The following ROS1 variants were observed in gnomAD, a reference collection of about 807,000 sequenced individuals.
ROS1 encodes proto-oncogene tyrosine-protein kinase ROS.
Under a neutral mutation model 273.5 loss-of-function variants are expected in ROS1, and 263 were observed. That is an observed-to-expected ratio of 0.96 (90% CI 0.87 to 1.06). ROS1 has a LOEUF of 1.06. Among genes scored for constraint, ROS1 ranks in the 50% least tolerant of loss-of-function variants. The pLI, the probability that ROS1 is intolerant of heterozygous loss-of-function variation, is 0.00. For synonymous variants in ROS1, 1,008 were observed against 954.1 expected (o/e 1.06, Z -1.04); for missense variants, 2,833 against 2,751.1 (o/e 1.03, Z -0.67).
intron 5 of ROS1, among the ~76,000 whole-genome samples, chr6:117,405,206 A>C (rs1429467010): frequency 6.6e-6 from 1 of 151,944 alleles, no homozygotes; most frequent in Non-Finnish European, 1.5e-5. Flanking sequence ...TTAATTACAA[A>C]CTCCTGGGAC....
intron 39 of ROS1, among the ~76,000 whole-genome samples, chr6:117,316,276 C>A (rs1022305667): frequency 4.4e-5 from 6 of 137,060 alleles, no homozygotes; most frequent in African/African-American, 1.3e-4. Flanking sequence ...AGGAACTTGG[C>A]GGTAAATACC....
chr6:117,358,644 G>C (rs1221010393), intron 24 of ROS1, among the ~76,000 whole-genome samples: 1 of 152,094 alleles, frequency 6.6e-6, no homozygotes, highest in African/African-American at 2.4e-5. Flanking sequence ...ATTTTTAGTA[G>C]AGACAGGGTT....
intron 16 of ROS1, among the ~76,000 whole-genome samples, chr6:117,384,479 T>C (rs9489142): frequency 6.1e-4 from 93 of 152,308 alleles, no homozygotes; most frequent in African/African-American, 1.8e-3. Context: ...TATTCCCTAC[T>C]TTGCCTTCTT....
At chr6:117,298,582 A>T (rs755083284) in intron 43 of ROS1, among the ~76,000 whole-genome samples, 1 of 152,230 alleles carries the variant, frequency 6.6e-6, no homozygotes, top group African/African-American at 2.4e-5. Context: ...GAGCAGATTA[A>T]AATGGCTTGA....
At chr6:117,321,963 A>G (rs534328259) in intron 35 of ROS1, among the ~76,000 whole-genome samples, 5 of 151,946 alleles carry the variant, frequency 3.3e-5, no homozygotes, top group African/African-American at 1.2e-4. Context: ...TAGTTGTAGA[A>G]TCATGAGTAA....
At chr6:117,311,204 TATATGC>T in intron 39 of ROS1, 87 bp from the exon 40 acceptor site, 2 of 666,452 alleles carry the variant, frequency 3.0e-6, no homozygotes, top group Non-Finnish European at 5.2e-6. Context: ...TGGATACATG[TATATGC>T]ATATGCATGT....
intron 3 of ROS1, 70 bp downstream of exon 3, chr6:117,416,188 G>T: frequency 1.1e-6 from 1 of 939,194 alleles, no homozygotes; most frequent in Non-Finnish European, 1.7e-6. Flanking sequence ...ATGCAAATGG[G>T]AATCCTCTTA....
intron 32 of ROS1, 82 bp downstream of exon 32, chr6:117,337,086 CATAT>C (rs1274936547): frequency 1.9e-6 from 2 of 1,059,056 alleles, no homozygotes; most frequent in Non-Finnish European, 2.8e-6. Context: ...AGAACAATTT[CATAT>C]ATCTCTAGGA....
chr6:117,389,299 T>G, intron 13 of ROS1, 51 bp downstream of exon 13: 1 of 1,543,176 alleles, frequency 6.5e-7, no homozygotes, highest in Non-Finnish European at 8.7e-7. Context: ...AGTTCAAACC[T>G]TCCTCTTATT....
At position 117,312,253 on chromosome 6, in the gene ROS1, T is replaced by G. The variant is rs1000064711; in HGVS notation, c.6118-1136A>C. Among the ~76,000 whole-genome samples, 3 of 152,098 alleles carry G rather than the reference T, an allele frequency of 2.0e-5. No individual in the cohort carries two copies. The East Asian group carries it at 5.8e-4, about 29-fold the overall frequency. On this transcript the variant is annotated intron_variant, in intron 39 of 43. Coordinates refer to ENST00000368507, the MANE Select transcript of ROS1 (RefSeq NM_001378902.1). ...TTCCATGGACAGCCTTAGCTGAGTA[T>G]CTCAAATGATTCCAAACCTCCAAGT... is the stretch of plus-strand genomic sequence containing the variant.
intron 33 of ROS1, among the ~76,000 whole-genome samples, chr6:117,326,928 C>T (rs1215115751): frequency 3.9e-5 from 6 of 152,186 alleles, no homozygotes; most frequent in Admixed American, 3.9e-4. Context: ...TATTGACCTA[C>T]ATTCCACCTC....
intron 2 of ROS1, among the ~76,000 whole-genome samples, chr6:117,416,616 G>A (rs1313541409): frequency 6.6e-6 from 1 of 152,140 alleles, no homozygotes; most frequent in Non-Finnish European, 1.5e-5. Context: ...CGAAGACACC[G>A]TACACTGGGT....
intron 21 of ROS1, among the ~76,000 whole-genome samples, chr6:117,363,722 G>A (rs1779986303): frequency 6.6e-6 from 1 of 152,086 alleles, no homozygotes; most frequent in African/African-American, 2.4e-5. Flanking sequence ...AATGCCTGAG[G>A]CAGCTTGATA....
chr6:117,306,742 C>A (rs2128543588), intron 42 of ROS1, among the ~76,000 whole-genome samples: 1 of 152,194 alleles, frequency 6.6e-6, no homozygotes, highest in Non-Finnish European at 1.5e-5. Flanking sequence ...AATATCAGTT[C>A]CCTCTGTACT....
chr6:117,412,120 C>A (rs1774961990), intron 4 of ROS1, among the ~76,000 whole-genome samples: 1 of 152,040 alleles, frequency 6.6e-6, no homozygotes, highest in African/African-American at 2.4e-5. Flanking sequence ...GTGTGGCCAG[C>A]ACAGAGACCA....
chr6:117,347,295 T>C (rs1778458072), intron 27 of ROS1, among the ~76,000 whole-genome samples: 1 of 152,154 alleles, frequency 6.6e-6, no homozygotes, highest in Non-Finnish European at 1.5e-5. Flanking sequence ...GTTAGATTTA[T>C]ACCTAAGTAT....
rs150262256 is a variant in ROS1 at position 117,310,199 on chromosome 6, C to T, written c.6298G>A (p.Ala2100Thr). 4.3e-5 allele frequency: 70 copies of T among 1,612,960 alleles called. 1 individual carries two copies. In the South Asian group the frequency reaches 4.8e-4, roughly 11 times the overall value. ...TAATCATTTTTATAGATGTCTCTGGCGAGTCCAAAGTCTCCAATCTTCACT... is the reference window on the plus strand; with the variant it reads ...TAATCATTTTTATAGATGTCTCTGGTGAGTCCAAAGTCTCCAATCTTCACT... The part of the protein sequence containing the change: ...RIVKIGDFGL[A>T]RDIYKNDYYR... Residue 2100 changes from alanine to threonine, a missense_variant, in exon 41 of 44, where the codon GCC becomes ACC. By Grantham distance (58) the Ala-to-Thr change is moderately conservative (BLOSUM62 0). Coordinates refer to ENST00000368507, the MANE Select transcript of ROS1 (RefSeq NM_001378902.1).
intron 7 of ROS1, among the ~76,000 whole-genome samples, chr6:117,398,206 C>T (rs1294416824): frequency 5.3e-5 from 8 of 152,100 alleles, no homozygotes; most frequent in Admixed American, 1.3e-4. Flanking sequence ...ATGTGATCTT[C>T]CACCATTGAA....
chr6:117,346,568 G>A (rs1249119162), intron 27 of ROS1, among the ~76,000 whole-genome samples: 3 of 151,604 alleles, frequency 2.0e-5, no homozygotes, highest in Admixed American at 1.3e-4. Flanking sequence ...CTGCATGGAC[G>A]TCTTTTTTTT....
Sources: allele counts gnomAD v4.1 joint callset (sites outside exome capture counted in the v4.1 genomes callset), GRCh38; gene constraint gnomAD v4.1.1; transcripts MANE v1.5; gene names NCBI Gene and HGNC (gene_info 2026-07-23, HGNC 2026-07-21).